The following WDR76 variants were observed in gnomAD, a reference collection of about 807,000 sequenced individuals.
WDR76 encodes WD repeat-containing protein 76.
Under a neutral mutation model 70.2 loss-of-function variants are expected in WDR76, and 52 were observed. That is an observed-to-expected ratio of 0.74 (90% CI 0.59 to 0.93). The LOEUF (loss-of-function observed/expected upper bound fraction) is 0.93. Ranked by LOEUF, WDR76 falls within the 40% of genes least tolerant of loss-of-function variation. The pLI, the probability that WDR76 is intolerant of heterozygous loss-of-function variation, is 0.00. For missense variants in WDR76, 756 were observed against 760.2 expected (o/e 0.99, Z 0.07); for synonymous variants, 292 against 271.1 (o/e 1.08, Z -0.76).
chr15:43,842,536 A>G lies in WDR76; in HGVS notation c.834+20A>G, dbSNP rs760902175. The G allele has an allele frequency of 5.0e-6, 8 of 1,610,310 alleles. No homozygotes were observed. Among genetic ancestry groups the G allele is most frequent in the South Asian group, 1.1e-5 (1 of 90,428 alleles). On this transcript the variant is annotated intron_variant, in intron 6 of 12. Transcript: ENST00000263795. Reference sequence around the variant, plus strand: ...AGCAAGGTATCACTTGGGAAGGCCAATAGCCTTTAGAATCATCTGTTAAGG... The same window carrying G: ...AGCAAGGTATCACTTGGGAAGGCCAGTAGCCTTTAGAATCATCTGTTAAGG...
At chr15:43,843,007 C>CT (rs2087744917) in intron 7 of WDR76, among the ~76,000 whole-genome samples, 1 of 133,614 alleles carries the variant, frequency 7.5e-6, no homozygotes, top group East Asian at 2.2e-4. Flanking sequence ...ACACTTTTTT[C>CT]TTTTTCTTTT....
chr15:43,836,167 G>A lies in WDR76; in HGVS notation c.559G>A (p.Ala187Thr). ...TGATTTTTATACTTTACAGTCTGCT[G>A]CAAGACTCCGTGAAATGATAGAGAA... ...FASLQLSESAARLREMIEKRQ... is the reference protein window; with the variant it reads ...FASLQLSESATRLREMIEKRQ... The change falls in exon 4 of 13, where the codon GCA (alanine) becomes ACA (threonine). Residue 187 changes from alanine to threonine, a missense_variant. Ala to Thr is a moderately conservative substitution (Grantham distance 58). Transcript: ENST00000263795. 6.2e-7 allele frequency: 1 copy of A among 1,607,352 alleles called. No individual in the cohort carries two copies. The highest frequency in any genetic ancestry group is 1.3e-5 in the African/African-American group (1 of 74,788).
chr15:43,860,797 A>G lies in WDR76; in HGVS notation c.1563-536A>G, dbSNP rs2140313061. Among the ~76,000 whole-genome samples the G allele has an allele frequency of 3.3e-5, 5 of 152,148 alleles. 1 individual carries two copies. The Middle Eastern group carries it at 0.014, about 414-fold the overall frequency. On this transcript the variant is annotated intron_variant, in intron 11 of 12. Transcript: ENST00000263795. The stretch of plus-strand genomic sequence containing the variant: ...GCTGAGATTACAGGCATGAGCCACA[A>G]CACTCAGCCAAATGATTTCTACGCT...
Position 43,866,765 on chromosome 15 carries a change from T to C in WDR76, c.*373T>C. ...CCTCAGACTCCTAAGTAGCTGGGAT[T>C]ACAGGCACCTGCCACCACGCCTGGC... is the stretch of plus-strand genomic sequence containing the variant. On this transcript the variant is annotated 3_prime_UTR_variant, in exon 13 of 13. Coordinates refer to ENST00000263795, the MANE Select transcript of WDR76 (RefSeq NM_024908.4). 1 of 173,196 alleles carries C rather than the reference T, an allele frequency of 5.8e-6. No individual in the cohort carries two copies. Among genetic ancestry groups the C allele is most frequent in the South Asian group, 1.4e-4 (1 of 7,404 alleles). The allele number at this position is 173,196 out of a possible 1,614,324, so 10.7% of individuals were successfully genotyped here. A position where few individuals can be genotyped will look rare whatever the true frequency, so the allele number is the denominator to read the frequency against.
intron 2 of WDR76, among the ~76,000 whole-genome samples, chr15:43,831,603 TA>T (rs2087589455): frequency 6.6e-6 from 1 of 152,070 alleles, no homozygotes; most frequent in Non-Finnish European, 1.5e-5. Context: ...CATGCCTAGC[TA>T]ATTTTTTGTA....
intron 7 of WDR76, 53 bp downstream of exon 7, chr15:43,842,724 T>C (rs8032649): frequency 0.11 from 169,997 of 1,526,286 alleles, 11,991 homozygotes; most frequent in African/African-American, 0.29. Flanking sequence ...GTTTGAGTTA[T>C]AAAGACTATA....
At position 43,836,174 on chromosome 15, in the gene WDR76, T is replaced by TCCG; in HGVS notation, c.567_569dup (p.Arg190dup). The TCCG allele has an allele frequency of 6.2e-7, 1 of 1,608,994 alleles. No individual in the cohort carries two copies. The highest frequency in any genetic ancestry group is 8.5e-7 in the Non-Finnish European group (1 of 1,177,788). ...TATACTTTACAGTCTGCTGCAAGAC[T>TCCG]CCGTGAAATGATAGAGAAGAGACAG... On this transcript the variant is annotated inframe_insertion, in exon 4 of 13. Coordinates refer to ENST00000263795, the MANE Select transcript of WDR76 (RefSeq NM_024908.4).
At chr15:43,831,059 CA>C in intron 2 of WDR76, among the ~76,000 whole-genome samples, 1 of 147,226 alleles carries the variant, frequency 6.8e-6, no homozygotes. Flanking sequence ...ACTTCCCCAC[CA>C]AAAAAAAAGA....
chr15:43,856,354 G>A (rs1340288965), intron 9 of WDR76, among the ~76,000 whole-genome samples: 4 of 152,194 alleles, frequency 2.6e-5, no homozygotes, highest in African/African-American at 9.7e-5. Context: ...CTCTTCTACT[G>A]AGAGTAGGTG....
chr15:43,861,832 A>ATTT (rs898404641), intron 12 of WDR76, among the ~76,000 whole-genome samples: 71 of 104,750 alleles, frequency 6.8e-4, no homozygotes, highest in Non-Finnish European at 9.6e-4. Flanking sequence ...GTATTTGTGT[A>ATTT]TTTTTTTTTT....
At chr15:43,834,857 A>G (rs574463464) in intron 2 of WDR76, among the ~76,000 whole-genome samples, 1 of 152,318 alleles carries the variant, frequency 6.6e-6, no homozygotes, top group East Asian at 1.9e-4. Flanking sequence ...GGGAAGCCAT[A>G]CAGATATTTT....
In WDR76 at chr15:43,836,454, A is replaced by G. The variant is rs944802531; in HGVS notation, c.608+238A>G. Among the ~76,000 whole-genome samples the G allele has an allele frequency of 5.6e-4, 86 of 152,326 alleles. 1 individual carries two copies. The highest frequency in any genetic ancestry group is 3.5e-3 in the Middle Eastern group (1 of 288). On this transcript the variant is annotated intron_variant, in intron 4 of 12. Transcript: ENST00000263795. ...AATTTTGTTTATATTTATTGTTGCT[A>G]CTAATGAAGGGAAATCTTTATTTCC...
chr15:43,857,262 G>T, intron 10 of WDR76, 99 bp downstream of exon 10: 1 of 1,232,216 alleles, frequency 8.1e-7, no homozygotes, highest in Non-Finnish European at 1.1e-6. Flanking sequence ...TATTACAAAA[G>T]GTATTACTTT....
chr15:43,840,254 GTTAA>G (rs1413839104), intron 5 of WDR76, among the ~76,000 whole-genome samples: 4 of 151,780 alleles, frequency 2.6e-5, no homozygotes, highest in African/African-American at 9.7e-5. Context: ...TTGTGGGTGA[GTTAA>G]TTAACCTTTC....
At chr15:43,838,935 T>A (rs949356928) in intron 4 of WDR76, among the ~76,000 whole-genome samples, 3 of 152,196 alleles carry the variant, frequency 2.0e-5, no homozygotes, top group African/African-American at 7.2e-5. Flanking sequence ...TAGTATACTT[T>A]CAATCAGTAG....
At chr15:43,848,795 G>A (rs2140306330) in intron 8 of WDR76, among the ~76,000 whole-genome samples, 1 of 152,184 alleles carries the variant, frequency 6.6e-6, no homozygotes, top group South Asian at 2.1e-4. Context: ...AAAATTAGCT[G>A]GGTATGGTGA....
chr15:43,829,191 C>T (rs919596891), intron 2 of WDR76, among the ~76,000 whole-genome samples: 3 of 152,008 alleles, frequency 2.0e-5, no homozygotes, highest in Admixed American at 6.6e-5. Context: ...TGAGCCACTG[C>T]GCCCAGCCTG....
At chr15:43,848,590 C>T (rs568831778) in intron 8 of WDR76, among the ~76,000 whole-genome samples, 40 of 152,260 alleles carry the variant, frequency 2.6e-4, no homozygotes, top group African/African-American at 9.1e-4. Flanking sequence ...TCTTGGCCCA[C>T]GGGAGTGGTA....
chr15:43,842,474 A>G lies in WDR76; in HGVS notation c.792A>G (p.Glu264=). 3 of 1,614,130 alleles carry G rather than the reference A, an allele frequency of 1.9e-6. No homozygotes were observed. Among genetic ancestry groups the G allele is most frequent in the Non-Finnish European group, 2.5e-6 (3 of 1,180,014 alleles). ...MTSENQEDNN[E]RFKGFLHTWA... ...CTGAAAATCAAGAAGACAACAATGA[A>G]CGATTTAAAGGATTTCTGCACACAT... The change falls in exon 6 of 13, where the codon GAA becomes GAG. Residue 264 remains glutamate (E), a synonymous_variant. Coordinates refer to ENST00000263795, the MANE Select transcript of WDR76 (RefSeq NM_024908.4).
Sources: gnomAD v4.1 joint callset for allele counts (sites outside exome capture counted in the v4.1 genomes callset) on GRCh38, gnomAD v4.1.1 for gene constraint, MANE v1.5 for transcripts, NCBI Gene and HGNC (gene_info 2026-07-23, HGNC 2026-07-21) for gene names.